Variants in UTP20 observed in about 807,000 individuals in gnomAD.
The protein encoded by UTP20 is small subunit processome component 20 homolog.
Under a neutral mutation model 329.5 loss-of-function variants are expected in UTP20, and 164 were observed. That is an observed-to-expected ratio of 0.50 (90% confidence interval 0.44 to 0.57). UTP20 has a LOEUF of 0.57. UTP20 is among the 20% of genes least tolerant of loss of function. The pLI, the probability that UTP20 is intolerant of heterozygous loss-of-function variation, is 0.00. For missense variants in UTP20, 3,055 were observed against 3,284.2 expected (o/e 0.93, Z 1.71); for synonymous variants, 1,151 against 1,159.3 (o/e 0.99, Z 0.14).
intron 25 of UTP20, among the ~76,000 whole-genome samples, chr12:101,324,863 G>A (rs1486332271): frequency 6.6e-6 from 1 of 151,948 alleles, no homozygotes; most frequent in African/African-American, 2.4e-5. Context: ...TTTCAATAAA[G>A]TGTTTTCATT....
At chr12:101,314,550 C>T (rs1313958146) in intron 21 of UTP20, among the ~76,000 whole-genome samples, 2 of 150,950 alleles carry the variant, frequency 1.3e-5, no homozygotes, top group South Asian at 2.1e-4. Context: ...CCCAGCTACT[C>T]GGGAGGCTGA....
chr12:101,306,108 C>T lies in UTP20; in HGVS notation c.1932+43C>T, dbSNP rs201859021. 162 of 1,562,722 alleles carry T rather than the reference C, an allele frequency of 1.0e-4. No homozygotes were observed. The East Asian group carries it at 3.5e-3, about 34-fold the overall frequency. On this transcript the variant is annotated intron_variant, in intron 16 of 61. Coordinates refer to ENST00000261637, the MANE Select transcript of UTP20 (RefSeq NM_014503.3). The stretch of plus-strand genomic sequence containing the variant: ...TAGTGTGTCCTCAGTCTCTCTTCTC[C>T]TGTTTCTATATGGACTGCAGTGGTT...
intron 18 of UTP20, among the ~76,000 whole-genome samples, chr12:101,309,393 C>A (rs1006805444): frequency 5.3e-5 from 8 of 152,154 alleles, no homozygotes; most frequent in African/African-American, 1.9e-4. Context: ...TGTTTCCTTG[C>A]GTTCTTCGGC....
rs1465686756 is a variant in UTP20, at chr12:101,327,163, C to T, written c.3124C>T (p.Leu1042=). The change falls in exon 26 of 62, where the codon CTG becomes TTG. Residue 1042 remains leucine, a synonymous_variant. Transcript: ENST00000261637. ...TTCAGGCACCCGCATGGCCATTGTC[C>T]TGCGGTTCCTGGCCGGGACCCAACC... ...SASGTRMAIV[L]RFLAGTQPEE... The T allele has an allele frequency of 1.9e-6, 3 of 1,613,070 alleles. No homozygotes were observed. The highest frequency in any genetic ancestry group is 3.3e-5 in the Admixed American group (2 of 59,974).
intron 1 of UTP20, among the ~76,000 whole-genome samples, chr12:101,280,835 T>C (rs983503690): frequency 2.0e-5 from 3 of 152,314 alleles, no homozygotes; most frequent in Admixed American, 6.5e-5. Flanking sequence ...TGAAACCTAA[T>C]AGATCTAGCG....
chr12:101,379,666 A>C, intron 57 of UTP20, 108 bp downstream of exon 57: 1 of 1,222,256 alleles, frequency 8.2e-7, no homozygotes, highest in African/African-American at 1.5e-5. Flanking sequence ...TCCAACCAAC[A>C]ATTTGTTGTA....
At chr12:101,367,702 A>G (rs1053892355) in intron 47 of UTP20, among the ~76,000 whole-genome samples, 158 bp from the exon 48 acceptor site, 3 of 152,084 alleles carry the variant, frequency 2.0e-5, no homozygotes, top group Admixed American at 1.3e-4. Context: ...ACTTACTGAG[A>G]CCCTCCCAGG....
intron 2 of UTP20, among the ~76,000 whole-genome samples, chr12:101,285,062 T>G (rs902554806): frequency 5.9e-5 from 9 of 152,270 alleles, no homozygotes; most frequent in Admixed American, 5.9e-4. Flanking sequence ...GTCGGATATT[T>G]TAGCCTGTTT....
chr12:101,369,488 GATCTACC>G (rs1322921144), intron 48 of UTP20, among the ~76,000 whole-genome samples: 1 of 152,102 alleles, frequency 6.6e-6, no homozygotes, highest in Non-Finnish European at 1.5e-5. Context: ...ATTTCCTCAT[GATCTACC>G]ATCATAAGGA....
intron 29 of UTP20, among the ~76,000 whole-genome samples, chr12:101,336,418 C>T (rs1210239897): frequency 6.6e-6 from 1 of 152,140 alleles, no homozygotes; most frequent in Non-Finnish European, 1.5e-5. Flanking sequence ...TAAATTTTCT[C>T]AGAAATAGCT....
At chr12:101,362,104 C>A (rs1195282349) in intron 44 of UTP20, 44 bp downstream of exon 44, 6 of 1,376,500 alleles carry the variant, frequency 4.4e-6, no homozygotes, top group Admixed American at 1.8e-5. Flanking sequence ...TTAAGTGGGC[C>A]AACGACACAA....
In UTP20 at chr12:101,332,417, A is replaced by G. The variant is rs1031907338; in HGVS notation, c.3418-884A>G. 2.0e-5 allele frequency among the ~76,000 whole-genome samples: 3 copies of G among 152,232 alleles called. No homozygotes were observed. In the South Asian group the frequency reaches 6.2e-4, roughly 31 times the overall value. ...TAAATTTGCCTTTAATAAGATTTTC[A>G]GTTGAATTGAGGTCAGGACCTCAAT... On this transcript the variant is annotated intron_variant, in intron 27 of 61. Transcript: ENST00000261637.
intron 58 of UTP20, 63 bp downstream of exon 58, chr12:101,381,274 G>A (rs1299260521): frequency 2.1e-6 from 3 of 1,427,840 alleles, no homozygotes; most frequent in Non-Finnish European, 3.0e-6. Flanking sequence ...GCTCGCGCCT[G>A]TAATCCCAGC....
At position 101,338,130 on chromosome 12, in the gene UTP20, G is replaced by A. The variant is rs1490442743; in HGVS notation, c.3721G>A (p.Ala1241Thr). The change falls in exon 30 of 62, where the codon GCG (alanine) becomes ACG (threonine). Residue 1241 changes from alanine to threonine, a missense_variant. This residue lies in a region of UTP20 where 2,445 missense variants were observed against 2,575.5 expected (regional missense o/e 0.95). Coordinates refer to ENST00000261637, the MANE Select transcript of UTP20 (RefSeq NM_014503.3). ...ILTNVFAILS[A>T]KNLSDATASI... ...GACCAATGTTTTTGCAATTCTCTCA[G>A]CGAAGAATCTTTCTGATGCCACAGC... The A allele has an allele frequency of 1.9e-6, 3 of 1,614,122 alleles. No homozygotes were observed. The Admixed American group carries it at 5.0e-5, about 27-fold the overall frequency.
At position 101,373,486 on chromosome 12, in the gene UTP20, A is replaced by C. The variant is rs1306847409; in HGVS notation, c.6948+16A>C. On this transcript the variant is annotated intron_variant, in intron 53 of 61. Coordinates refer to ENST00000261637, the MANE Select transcript of UTP20 (RefSeq NM_014503.3). The stretch of plus-strand genomic sequence containing the variant: ...GTTCCCTCAGGTACTGTGACCCCAG[A>C]GATAAGCCCCGTGACTCCTGGAAGT... 6.2e-7 allele frequency: 1 copy of C among 1,614,096 alleles called. No homozygotes were observed. Among genetic ancestry groups the C allele is most frequent in the Non-Finnish European group, 8.5e-7 (1 of 1,179,978 alleles).
intron 38 of UTP20, among the ~76,000 whole-genome samples, chr12:101,349,085 C>T (rs1403412907): frequency 6.6e-6 from 1 of 151,942 alleles, no homozygotes; most frequent in Non-Finnish European, 1.5e-5. Context: ...CAACTGTATT[C>T]TGGCTTGTAT....
chr12:101,354,546 GC>G (rs1869650747), intron 40 of UTP20, among the ~76,000 whole-genome samples: 1 of 152,104 alleles, frequency 6.6e-6, no homozygotes, highest in South Asian at 2.1e-4. Context: ...AGATGTTCCT[GC>G]CCCCCAAGCC....
chr12:101,313,709 C>A (rs533851834), intron 21 of UTP20, among the ~76,000 whole-genome samples: 1 of 148,070 alleles, frequency 6.8e-6, no homozygotes, highest in Non-Finnish European at 1.5e-5. Flanking sequence ...AGATGTGGGA[C>A]GGGTGTGTGT....
Position 101,356,932 on chromosome 12 carries a change from G to A in UTP20, c.5541G>A (p.Leu1847=). 1.9e-6 allele frequency: 3 copies of A among 1,602,970 alleles called. No homozygotes were observed. The highest frequency in any genetic ancestry group is 2.5e-6 in the Non-Finnish European group (3 of 1,177,102). ...EVMEANLPSI[L]LKVCALLKNR... is the part of the protein sequence containing the mutation. ...TCAACTTCTCATTTTCTAGTATTTT[G>A]CTGAAAGTGTGTGCCCTACTCAAGA... is the stretch of plus-strand genomic sequence containing the variant. The change falls in exon 43 of 62, where the codon TTG becomes TTA. Residue 1847 remains leucine (L), a synonymous_variant. Transcript: ENST00000261637.
Sources: gnomAD v4.1 joint callset for allele counts (sites outside exome capture counted in the v4.1 genomes callset) on GRCh38, gnomAD v4.1.1 for gene constraint, gnomAD v4.1.1 regional missense constraint, MANE v1.5 for transcripts, NCBI Gene and HGNC (gene_info 2026-07-23, HGNC 2026-07-21) for gene names.